ABI1: variants seen among roughly 807,000 people sequenced by gnomAD.
ABI1 encodes the protein abl interactor 1.
A neutral mutation model predicts 54.6 loss-of-function variants in ABI1; 14 were observed. That is an observed-to-expected ratio of 0.26 (90% CI 0.17 to 0.40). The LOEUF (loss-of-function observed/expected upper bound fraction) is 0.40. ABI1 is among the 10% of genes least tolerant of loss of function. ABI1 has a pLI of 1.00. For missense variants in ABI1, 443 were observed against 598.3 expected (o/e 0.74, Z 2.71); for synonymous variants, 194 against 209.3 (o/e 0.93, Z 0.63).
chr10:26,826,480 T>C (rs569924156), intron 1 of ABI1, among the ~76,000 whole-genome samples: 2 of 152,316 alleles, frequency 1.3e-5, no homozygotes, highest in Admixed American at 6.5e-5. Flanking sequence ...ATTTTCAGCA[T>C]GGCAAATGAG....
chr10:26,830,574 T>C (rs1356747715), intron 1 of ABI1, among the ~76,000 whole-genome samples: 1 of 150,694 alleles, frequency 6.6e-6, no homozygotes, highest in Non-Finnish European at 1.5e-5. Flanking sequence ...GAGCTGTGAT[T>C]GCACCACTAC....
intron 1 of ABI1, among the ~76,000 whole-genome samples, chr10:26,850,107 A>C (rs1262778924): frequency 6.6e-6 from 1 of 152,234 alleles, no homozygotes; most frequent in Non-Finnish European, 1.5e-5. Context: ...CATATACTTC[A>C]ACCAAAACAA....
chr10:26,822,402 A>C (rs1213452932), intron 2 of ABI1, among the ~76,000 whole-genome samples: 2 of 141,658 alleles, frequency 1.4e-5, no homozygotes, highest in Non-Finnish European at 3.1e-5. Context: ...TGACCACACA[A>C]AGATTTGCAT....
chr10:26,797,677 G>A (rs1399331490), intron 2 of ABI1, among the ~76,000 whole-genome samples: 1 of 152,148 alleles, frequency 6.6e-6, no homozygotes, highest in African/African-American at 2.4e-5. Context: ...TGGCTGAATA[G>A]TGGGGTCAGA....
At chr10:26,827,711 G>A (rs2048399631) in intron 1 of ABI1, among the ~76,000 whole-genome samples, 3 of 151,294 alleles carry the variant, frequency 2.0e-5, no homozygotes, top group African/African-American at 7.3e-5. Context: ...TCCTGCCTCA[G>A]CTTCCCAAGT....
intron 1 of ABI1, among the ~76,000 whole-genome samples, chr10:26,837,888 T>TAG (rs1361298770): frequency 6.6e-6 from 1 of 151,828 alleles, no homozygotes; most frequent in East Asian, 1.9e-4. Flanking sequence ...GTGCTGAGAT[T>TAG]AGAGGCATGA....
chr10:26,813,324 C>T (rs558747013), intron 2 of ABI1, among the ~76,000 whole-genome samples: 6 of 151,876 alleles, frequency 4.0e-5, no homozygotes, highest in Non-Finnish European at 2.9e-5. Flanking sequence ...ACCAACAGTC[C>T]ATTAGGAATC....
Position 26,860,870 on chromosome 10 carries a change from C to G in ABI1, c.-7G>C. On this transcript the variant is annotated 5_prime_UTR_variant, in exon 1 of 11. Transcript: ENST00000376140. This position sits in a 1 kb window ranked among gnomAD's most constrained non-coding sequence, Gnocchi z 4.1. ...ACATCTGCAGCTCTGCCATTTTCCA[C>G]CCCTCTGCATCGCTTCCTCTCGCGT... 3 of 1,612,460 alleles carry G rather than the reference C, an allele frequency of 1.9e-6. No homozygotes were observed. Among genetic ancestry groups the G allele is most frequent in the Non-Finnish European group, 2.5e-6 (3 of 1,178,586 alleles).
intron 8 of ABI1, among the ~76,000 whole-genome samples, chr10:26,756,622 TA>T (rs1251863276): frequency 1.3e-5 from 2 of 152,158 alleles, no homozygotes; most frequent in African/African-American, 4.8e-5. Flanking sequence ...ACTCATGTAT[TA>T]AAAATTATAA....
At position 26,747,190 on chromosome 10, in the gene ABI1, C is replaced by T. The variant is rs186894705; in HGVS notation, c.*1380G>A. ...CAGTACATAACTGTAATTTGAATTCCAAACAAATCCTCAATAACACAGAAA... is the reference window on the plus strand; with the variant it reads ...CAGTACATAACTGTAATTTGAATTCTAAACAAATCCTCAATAACACAGAAA... On this transcript the variant is annotated 3_prime_UTR_variant, in exon 11 of 11. Coordinates refer to ENST00000376140, the MANE Select transcript of ABI1 (RefSeq NM_001012750.3). 5 of 224,270 alleles carry T rather than the reference C, an allele frequency of 2.2e-5. No homozygotes were observed. The highest frequency in any genetic ancestry group is 1.1e-4 in the African/African-American group (5 of 44,916). The allele number at this position is 224,270 out of a possible 1,614,324, so 13.9% of individuals were successfully genotyped here.
chr10:26,843,690 T>A (rs7914236), intron 1 of ABI1, among the ~76,000 whole-genome samples: 1 of 151,248 alleles, frequency 6.6e-6, no homozygotes, highest in Non-Finnish European at 1.5e-5. Flanking sequence ...GATAGTACCA[T>A]GCTGCCTTTC....
intron 1 of ABI1, among the ~76,000 whole-genome samples, chr10:26,829,294 C>T (rs1035579632): frequency 1.3e-5 from 2 of 151,558 alleles, no homozygotes; most frequent in Non-Finnish European, 2.9e-5. Flanking sequence ...CCAGCTCTGT[C>T]CAATGAAAAG....
chr10:26,811,294 T>A (rs2047212343), intron 2 of ABI1, among the ~76,000 whole-genome samples: 1 of 152,188 alleles, frequency 6.6e-6, no homozygotes, highest in Non-Finnish European at 1.5e-5. Context: ...AATAAGAATG[T>A]ATGTGTTCTG....
chr10:26,798,849 C>T (rs896649972), intron 2 of ABI1, among the ~76,000 whole-genome samples: 2 of 151,536 alleles, frequency 1.3e-5, no homozygotes, highest in African/African-American at 4.9e-5. Context: ...GAGATCTCAA[C>T]ACATGAGATC....
At chr10:26,837,778 C>G (rs1247878339) in intron 1 of ABI1, among the ~76,000 whole-genome samples, 10 of 150,876 alleles carry the variant, frequency 6.6e-5, no homozygotes, top group Admixed American at 5.9e-4. Flanking sequence ...CCACACCCAG[C>G]TAATTTTTGT....
intron 2 of ABI1, among the ~76,000 whole-genome samples, chr10:26,811,419 T>C (rs1309288893): frequency 1.3e-5 from 2 of 152,170 alleles, no homozygotes; most frequent in African/African-American, 4.8e-5. Flanking sequence ...CAAGCATGCT[T>C]AATTAATCTG....
At chr10:26,766,482 G>T (rs1839969648) in intron 6 of ABI1, among the ~76,000 whole-genome samples, 1 of 152,138 alleles carries the variant, frequency 6.6e-6, no homozygotes, top group South Asian at 2.1e-4. Flanking sequence ...GCAATGCCTG[G>T]ATAAGATTTT....
Position 26,748,358 on chromosome 10 carries a change from G to A in ABI1, c.*212C>T, listed in dbSNP as rs182466577. ...GTAAGTAAGTACATAAGCATAATCAGTTATGGACAGCTTCTTGTATAAATT... is the reference window on the plus strand; with the variant it reads ...GTAAGTAAGTACATAAGCATAATCAATTATGGACAGCTTCTTGTATAAATT... On this transcript the variant is annotated 3_prime_UTR_variant, in exon 11 of 11. Coordinates refer to ENST00000376140, the MANE Select transcript of ABI1 (RefSeq NM_001012750.3). 1.4e-4 allele frequency: 67 copies of A among 466,186 alleles called. 1 individual carries two copies. In the East Asian group the frequency reaches 2.0e-3, roughly 14 times the overall value. 28.9% of individuals were successfully genotyped at this position (466,186 alleles called of 1,614,324 possible). A position where few individuals can be genotyped will look rare whatever the true frequency, so the allele number is the denominator to read the frequency against.
At chr10:26,825,071 G>T (rs376248370) in intron 1 of ABI1, among the ~76,000 whole-genome samples, 1 of 152,182 alleles carries the variant, frequency 6.6e-6, no homozygotes, top group East Asian at 1.9e-4. Flanking sequence ...GCTGCTGACT[G>T]ATCAGGGTGG....
Sources: gnomAD v4.1 joint callset for allele counts (sites outside exome capture counted in the v4.1 genomes callset) on GRCh38, gnomAD v4.1.1 for gene constraint, Gnocchi (gnomAD v3.1) non-coding constraint, MANE v1.5 for transcripts, NCBI Gene and HGNC (gene_info 2026-07-23, HGNC 2026-07-21) for gene names.